SYT17: variants seen among roughly 807,000 people sequenced by gnomAD.
SYT17 encodes synaptotagmin 17.
SYT17 carries 22 observed loss-of-function variants against 46.7 expected under a neutral mutation model. The ratio of observed to expected loss-of-function variants is 0.47; its 90% CI spans 0.34 to 0.67. The LOEUF (loss-of-function observed/expected upper bound fraction) is 0.67. Ranked by LOEUF, SYT17 falls within the 30% of genes least tolerant of loss-of-function variation. The probability of loss-of-function intolerance (pLI) is 0.01; values close to 1 mark genes in which losing one functional copy is unlikely to be tolerated. For synonymous variants in SYT17, 251 were observed against 248.4 expected (o/e 1.01, Z -0.10); for missense variants, 519 against 612.8 (o/e 0.85, Z 1.62).
chr16:19,223,866 G>A (rs1966409747), intron 6 of SYT17, among the ~76,000 whole-genome samples: 1 of 152,180 alleles, frequency 6.6e-6, no homozygotes, highest in Non-Finnish European at 1.5e-5. Flanking sequence ...TAAGACTGAA[G>A]AGTTTCAGAC....
chr16:19,220,303 C>CTTTCTTTCTTTTTTTTTT (rs776097400), intron 5 of SYT17, among the ~76,000 whole-genome samples: 1 of 80,514 alleles, frequency 1.2e-5, no homozygotes, highest in Admixed American at 1.7e-4. Context: ...TTCTTTCTTT[C>CTTTCTTTCTTTTTTTTTT]TTTTTTTTTT....
At chr16:19,237,299 C>A (rs1966862284) in intron 7 of SYT17, among the ~76,000 whole-genome samples, 1 of 152,134 alleles carries the variant, frequency 6.6e-6, no homozygotes, top group Non-Finnish European at 1.5e-5. Context: ...GAGGAGGCAC[C>A]TGAGCATCTG....
chr16:19,200,938 A>G (rs1331425041), intron 5 of SYT17, among the ~76,000 whole-genome samples: 3 of 152,184 alleles, frequency 2.0e-5, no homozygotes, highest in Non-Finnish European at 2.9e-5. Context: ...GGATCAGCTC[A>G]TCAACATCAC....
Position 19,245,175 on chromosome 16 carries a change from T to C in SYT17, c.1228+20337T>C, listed in dbSNP as rs1311150783. 2.0e-5 allele frequency among the ~76,000 whole-genome samples: 3 copies of C among 152,178 alleles called. No individual in the cohort carries two copies. In the East Asian group the frequency reaches 5.8e-4, roughly 29 times the overall value. On this transcript the variant is annotated intron_variant, in intron 7 of 7. Coordinates refer to ENST00000355377, the MANE Select transcript of SYT17 (RefSeq NM_016524.4). The stretch of plus-strand genomic sequence containing the variant: ...AGAGCCCGGGTCACCTGCTGACTTA[T>C]GAAAGCAGTGAAATCAGTGGTTCTC...
At chr16:19,208,884 CTTTTTTTT>C (rs1191498524) in intron 5 of SYT17, among the ~76,000 whole-genome samples, 13 of 63,312 alleles carry the variant, frequency 2.1e-4, no homozygotes, top group African/African-American at 7.0e-4. Context: ...CAAGGACCTT[CTTTTTTTT>C]TTTTTTTTTT....
intron 7 of SYT17, among the ~76,000 whole-genome samples, chr16:19,232,835 A>C (rs2142915309): frequency 8.4e-6 from 1 of 119,478 alleles, no homozygotes; most frequent in African/African-American, 2.8e-5. Context: ...CTATCTCAAA[A>C]ACATAAACAA....
intron 3 of SYT17, among the ~76,000 whole-genome samples, chr16:19,179,977 T>C (rs1469380261): frequency 1.3e-5 from 2 of 152,216 alleles, no homozygotes; most frequent in South Asian, 2.1e-4. Flanking sequence ...ACTGTTGAAA[T>C]ACCAGGACAC....
At chr16:19,248,970 TA>T (rs1226320345) in intron 7 of SYT17, among the ~76,000 whole-genome samples, 15 of 152,070 alleles carry the variant, frequency 9.9e-5, no homozygotes, top group Non-Finnish European at 1.6e-4. Context: ...GGATTTCTAC[TA>T]AAGGCAAAAC....
chr16:19,260,534 G>GA (rs142511380), intron 7 of SYT17, among the ~76,000 whole-genome samples: 8,620 of 117,848 alleles, frequency 0.073, 409 homozygotes, highest in Non-Finnish European at 0.11. Context: ...AAAAAGGAAA[G>GA]AAAAAAAAAA....
chr16:19,200,670 T>C (rs1260489143), intron 5 of SYT17, among the ~76,000 whole-genome samples: 1 of 152,224 alleles, frequency 6.6e-6, no homozygotes, highest in Non-Finnish European at 1.5e-5. Flanking sequence ...GGTTTCCCCC[T>C]TGGGCAGGGT....
intron 7 of SYT17, among the ~76,000 whole-genome samples, chr16:19,227,146 G>A (rs74513421): frequency 0.016 from 2,452 of 152,172 alleles, 79 homozygotes; most frequent in African/African-American, 0.057. Flanking sequence ...ATAAACACAC[G>A]GTGCTGAGCA....
At chr16:19,179,397 A>C (rs1964455610) in intron 3 of SYT17, among the ~76,000 whole-genome samples, 1 of 151,960 alleles carries the variant, frequency 6.6e-6, no homozygotes, top group South Asian at 2.1e-4. Context: ...CCCAAAGTTT[A>C]CATTCTTCAC....
chr16:19,198,733 G>T (rs554466933), intron 5 of SYT17, among the ~76,000 whole-genome samples: 1 of 152,294 alleles, frequency 6.6e-6, no homozygotes, highest in South Asian at 2.1e-4. Context: ...CAACATCAAG[G>T]GTCATAGTTA....
intron 7 of SYT17, among the ~76,000 whole-genome samples, chr16:19,236,144 T>C (rs1242893650): frequency 2.6e-5 from 4 of 152,130 alleles, no homozygotes; most frequent in Non-Finnish European, 5.9e-5. Flanking sequence ...CAGAAAACAT[T>C]AGCAATTCAT....
In SYT17 at chr16:19,201,645, A is replaced by G. The variant is rs145303394; in HGVS notation, c.951+17498A>G. ...TAAGGGCAGCAGACATAAGAAAGGA[A>G]AGTAGCTACAAGGGATGCCCCTGCT... On this transcript the variant is annotated intron_variant, in intron 5 of 7. Transcript: ENST00000355377. 6.4e-3 allele frequency among the ~76,000 whole-genome samples: 970 copies of G among 150,526 alleles called. 9 individuals are homozygous for G. The highest frequency in any genetic ancestry group is 0.022 in the African/African-American group (899 of 40,658).
intron 5 of SYT17, among the ~76,000 whole-genome samples, chr16:19,220,778 T>A (rs965377029): frequency 5.3e-5 from 8 of 152,146 alleles, no homozygotes; most frequent in South Asian, 4.1e-4. Context: ...AGGGATTTTT[T>A]AAAAACATTA....
intron 4 of SYT17, 48 bp downstream of exon 4, chr16:19,180,587 A>T: frequency 6.2e-7 from 1 of 1,609,842 alleles, no homozygotes; most frequent in Non-Finnish European, 8.5e-7. Flanking sequence ...TGGCTTTCCC[A>T]GACACTCTCC....
Position 19,200,513 on chromosome 16 carries a change from C to T in SYT17, c.951+16366C>T, listed in dbSNP as rs368828251. Among the ~76,000 whole-genome samples, 10 of 152,300 alleles carry T rather than the reference C, an allele frequency of 6.6e-5. No homozygotes were observed. In the East Asian group the frequency reaches 9.7e-4, roughly 15 times the overall value. ...TTTGCACTAGCCCTATTCAAGTGTG[C>T]AGCAGCCATAAGAGGCAAGGGGTTC... On this transcript the variant is annotated intron_variant, in intron 5 of 7. Coordinates refer to ENST00000355377, the MANE Select transcript of SYT17 (RefSeq NM_016524.4).
At position 19,173,619 on chromosome 16, in the gene SYT17, A is replaced by G. The variant is rs749057308; in HGVS notation, c.182+41A>G. On this transcript the variant is annotated intron_variant, in intron 3 of 7. Coordinates refer to ENST00000355377, the MANE Select transcript of SYT17 (RefSeq NM_016524.4). ...CTGAACTTCTCTGAAATCAATTTCAAGACTTTTCCTTTTTAATGAGAAGGC... is the reference window on the plus strand; with the variant it reads ...CTGAACTTCTCTGAAATCAATTTCAGGACTTTTCCTTTTTAATGAGAAGGC... The G allele has an allele frequency of 2.5e-6, 4 of 1,600,970 alleles. No individual in the cohort carries two copies. The South Asian group carries it at 4.5e-5, about 18-fold the overall frequency.
Sources: gnomAD v4.1 joint callset for allele counts (sites outside exome capture counted in the v4.1 genomes callset) on GRCh38, gnomAD v4.1.1 for gene constraint, MANE v1.5 for transcripts, NCBI Gene and HGNC (gene_info 2026-07-23, HGNC 2026-07-21) for gene names.